STARD13: variants seen among roughly 807,000 people sequenced by gnomAD.
STARD13 encodes the protein stAR-related lipid transfer protein 13.
Under a neutral mutation model 106.4 loss-of-function variants are expected in STARD13, and 62 were observed. That is an observed-to-expected ratio of 0.58 (90% confidence interval 0.48 to 0.72). The LOEUF (loss-of-function observed/expected upper bound fraction) is 0.72. Ranked by LOEUF, STARD13 falls within the 30% of genes least tolerant of loss-of-function variation. The probability of loss-of-function intolerance (pLI) is 0.00; values close to 1 mark genes in which losing one functional copy is unlikely to be tolerated. For missense variants in STARD13, 1,387 were observed against 1,424.0 expected, an observed-to-expected ratio of 0.97 and a Z score of 0.42; for synonymous variants, 565 against 553.0, an observed-to-expected ratio of 1.02 and a Z score of -0.31.
At chr13:33,105,778 G>T in intron 13 of STARD13, 68 bp from the exon 14 acceptor site, 2 of 1,348,026 alleles carry the variant, frequency 1.5e-6, no homozygotes, top group South Asian at 1.2e-5. Context: ...TAGTTTTGGT[G>T]GACAGGGCTG....
At chr13:33,542,292 G>C in the STARD13 span, among the ~76,000 whole-genome samples, 1 of 152,140 alleles carries the variant, frequency 6.6e-6, no homozygotes, top group East Asian at 1.9e-4. Context: ...TTAGCACTGA[G>C]ACCGCACCCA....
the STARD13 span, among the ~76,000 whole-genome samples, chr13:33,528,243 CAT>C: frequency 2.7e-3 from 248 of 93,434 alleles, 12 homozygotes; most frequent in African/African-American, 0.014. Context: ...TATATATATA[CAT>C]ATATATATAT....
At chr13:33,204,226 C>T (rs1458717346) in intron 1 of STARD13, among the ~76,000 whole-genome samples, 1 of 152,202 alleles carries the variant, frequency 6.6e-6, no homozygotes, top group East Asian at 1.9e-4. Flanking sequence ...GAGTTTAGCT[C>T]ATGCAGAACA....
At chr13:33,405,759 A>T in the STARD13 span, among the ~76,000 whole-genome samples, 1 of 152,254 alleles carries the variant, frequency 6.6e-6, no homozygotes, top group Admixed American at 6.5e-5. Flanking sequence ...AAAGGATTCA[A>T]AATTTGTCAT....
chr13:33,651,769 C>T, the STARD13 span, among the ~76,000 whole-genome samples: 4 of 152,190 alleles, frequency 2.6e-5, no homozygotes, highest in African/African-American at 9.7e-5. Flanking sequence ...TGGAATTATG[C>T]TACCTTTCAC....
chr13:33,366,900 G>A, the STARD13 span, among the ~76,000 whole-genome samples: 1 of 152,144 alleles, frequency 6.6e-6, no homozygotes, highest in Admixed American at 6.5e-5. This position sits in a 1 kb window ranked among gnomAD's most constrained non-coding sequence, Gnocchi z 4.2. Flanking sequence ...ATTGCTGGGG[G>A]TTCAAAGATG....
At chr13:33,383,958 G>T in the STARD13 span, among the ~76,000 whole-genome samples, 1 of 152,020 alleles carries the variant, frequency 6.6e-6, no homozygotes, top group Non-Finnish European at 1.5e-5. Flanking sequence ...CAGGGAGCTC[G>T]TTCAAGGGCA....
the STARD13 span, among the ~76,000 whole-genome samples, chr13:33,584,280 AG>A: frequency 6.6e-6 from 1 of 152,230 alleles, no homozygotes; most frequent in Non-Finnish European, 1.5e-5. Context: ...GACTACAGGA[AG>A]CCTGATGCTG....
At chr13:33,325,772 A>T (rs1419239346) in intron 1 of STARD13, among the ~76,000 whole-genome samples, 1 of 152,082 alleles carries the variant, frequency 6.6e-6, no homozygotes, top group Non-Finnish European at 1.5e-5. Flanking sequence ...AGGCGGACGG[A>T]TCACGAGGTC....
At chr13:33,319,250 G>C (rs558913747) in intron 1 of STARD13, among the ~76,000 whole-genome samples, 1 of 152,298 alleles carries the variant, frequency 6.6e-6, no homozygotes, top group East Asian at 1.9e-4. Context: ...GTTACAATAT[G>C]GATGGACCTT....
In STARD13 at chr13:33,220,310, T is replaced by C. The variant is rs141203144; in HGVS notation, c.170-52688A>G. ...AAATTCATGGAAATAACTCTAATTA[T>C]TTATTATTTTAGATTCTAGAGAATG... On this transcript the variant is annotated intron_variant, in intron 1 of 13. Transcript: ENST00000336934. Among the ~76,000 whole-genome samples the C allele has an allele frequency of 3.5e-4, 53 of 152,344 alleles. 2 individuals are homozygous for C. In the East Asian group the frequency reaches 7.7e-3, roughly 22 times the overall value.
At chr13:33,359,785 T>C in the STARD13 span, among the ~76,000 whole-genome samples, 1 of 152,202 alleles carries the variant, frequency 6.6e-6, no homozygotes, top group Non-Finnish European at 1.5e-5. Context: ...CCCCACTAGT[T>C]TGTAGAAATT....
At chr13:33,435,578 C>T in the STARD13 span, among the ~76,000 whole-genome samples, 1 of 151,936 alleles carries the variant, frequency 6.6e-6, no homozygotes, top group Non-Finnish European at 1.5e-5. Flanking sequence ...ACATATATAG[C>T]CATAGGAAAT....
At chr13:33,453,796 G>A in the STARD13 span, among the ~76,000 whole-genome samples, 2 of 152,276 alleles carry the variant, frequency 1.3e-5, no homozygotes, top group South Asian at 4.1e-4. Flanking sequence ...TAACAGGGAG[G>A]ATTTGGGGCC....
the STARD13 span, among the ~76,000 whole-genome samples, chr13:33,624,721 T>C: frequency 6.6e-6 from 1 of 152,218 alleles, no homozygotes; most frequent in Non-Finnish European, 1.5e-5. Context: ...ATTATTTGGA[T>C]GTAGGTAATT....
chr13:33,259,070 C>A (rs1890508855), intron 1 of STARD13, among the ~76,000 whole-genome samples: 1 of 152,182 alleles, frequency 6.6e-6, no homozygotes. Context: ...TAATGCCTAC[C>A]CTTGTACTTC....
the STARD13 span, among the ~76,000 whole-genome samples, chr13:33,513,633 G>A: frequency 2.0e-5 from 3 of 152,104 alleles, no homozygotes; most frequent in Admixed American, 6.6e-5. Context: ...AAATTCCATA[G>A]CACATAAAAC....
the STARD13 span, among the ~76,000 whole-genome samples, chr13:33,407,346 G>T: frequency 6.6e-6 from 1 of 152,154 alleles, no homozygotes; most frequent in East Asian, 1.9e-4. Flanking sequence ...GTTCCATCTT[G>T]CAGATTGTGG....
In STARD13 at chr13:33,221,548, A is replaced by C. The variant is rs112660498; in HGVS notation, c.170-53926T>G. Among the ~76,000 whole-genome samples the C allele has an allele frequency of 6.4e-3, 977 of 152,204 alleles. 12 individuals carry two copies. Among genetic ancestry groups the C allele is most frequent in the African/African-American group, 0.022 (926 of 41,528 alleles). ...GAGTTGGGTTCCTGCTGATCATCTG[A>C]GTGGATCCCTCCTCCTGTTCCTCTG... is the stretch of plus-strand genomic sequence containing the variant. On this transcript the variant is annotated intron_variant, in intron 1 of 13. Transcript: ENST00000336934.
Sources: gnomAD v4.1 joint callset for allele counts (sites outside exome capture counted in the v4.1 genomes callset) on GRCh38, gnomAD v4.1.1 for gene constraint, Gnocchi (gnomAD v3.1) non-coding constraint, MANE v1.5 for transcripts, NCBI Gene and HGNC (gene_info 2026-07-23, HGNC 2026-07-21) for gene names.